CTNND2: variants seen among roughly 807,000 people sequenced by gnomAD.
CTNND2 encodes catenin delta-2.
A neutral mutation model predicts 144.4 loss-of-function variants in CTNND2; 22 were observed. The ratio of observed to expected loss-of-function variants is 0.15; its 90% confidence interval spans 0.11 to 0.22. CTNND2 has a LOEUF of 0.22. CTNND2 is among the 10% of genes least tolerant of loss of function. CTNND2 has a pLI of 1.00. For synonymous variants in CTNND2, 751 were observed against 695.6 expected (o/e 1.08, Z -1.25); for missense variants, 1,353 against 1,618.8 (o/e 0.84, Z 2.82).
chr5:11,713,517 T>C lies in CTNND2; in HGVS notation c.174+18619A>G, dbSNP rs146972086. On this transcript the variant is annotated intron_variant, in intron 2 of 21. Transcript: ENST00000304623. ...TCGCTTGAGCCCAGGAGGCAGAGGC[T>C]GCAGTGAGCCAAGATTGCTCCACGC... 8.8e-3 allele frequency among the ~76,000 whole-genome samples: 1,241 copies of C among 140,560 alleles called. 65 individuals are homozygous for C. The highest frequency in any genetic ancestry group is 0.085 in the Admixed American group (1,122 of 13,220). The allele number at this position is 140,560 out of a possible 152,430, so 92.2% of individuals were successfully genotyped here. A position where few individuals can be genotyped will look rare whatever the true frequency, so the allele number is the denominator to read the frequency against.
chr5:11,791,319 A>G (rs1320738668), intron 1 of CTNND2, among the ~76,000 whole-genome samples: 1 of 152,218 alleles, frequency 6.6e-6, no homozygotes, highest in Non-Finnish European at 1.5e-5. Flanking sequence ...GAGCCATGAA[A>G]TAACTTAGAG....
chr5:11,513,045 T>C (rs978473711), intron 3 of CTNND2, among the ~76,000 whole-genome samples: 6 of 152,188 alleles, frequency 3.9e-5, no homozygotes, highest in African/African-American at 1.4e-4. Flanking sequence ...AAATCACAGC[T>C]GACTTCATTT....
chr5:11,270,231 A>G (rs1561127008), intron 9 of CTNND2, among the ~76,000 whole-genome samples: 2 of 151,992 alleles, frequency 1.3e-5, no homozygotes, highest in South Asian at 2.1e-4. Flanking sequence ...TTCCCTTTAC[A>G]TTATTTCTTA....
intron 1 of CTNND2, among the ~76,000 whole-genome samples, chr5:11,773,139 A>C (rs1231849684): frequency 6.6e-6 from 1 of 152,164 alleles, no homozygotes; most frequent in African/African-American, 2.4e-5. Context: ...CTTCCTCTCA[A>C]TCATCTGTCA....
intron 3 of CTNND2, among the ~76,000 whole-genome samples, chr5:11,458,686 C>T (rs1765940592): frequency 6.6e-6 from 1 of 152,204 alleles, no homozygotes; most frequent in Non-Finnish European, 1.5e-5. Context: ...AGTTCTACTT[C>T]CCTCTTGGAG....
chr5:11,433,467 T>G (rs1158406545), intron 3 of CTNND2, among the ~76,000 whole-genome samples: 2 of 152,122 alleles, frequency 1.3e-5, no homozygotes, highest in African/African-American at 2.4e-5. Context: ...TACCCGAGGC[T>G]GGGTAATTTA....
In CTNND2 at chr5:11,620,512, C is replaced by T. The variant is rs925952597; in HGVS notation, c.175-55456G>A. Among the ~76,000 whole-genome samples, 9 of 152,176 alleles carry T rather than the reference C, an allele frequency of 5.9e-5. No individual in the cohort carries two copies. In the South Asian group the frequency reaches 8.3e-4, roughly 14 times the overall value. On this transcript the variant is annotated intron_variant, in intron 2 of 21. Coordinates refer to ENST00000304623, the MANE Select transcript of CTNND2 (RefSeq NM_001332.4). Reference sequence around the variant, plus strand: ...CTTCATACAGAAAGCCAAATAAAGGCGCTTGCCCACATTTCCCCTTTGCTC... The same window carrying T: ...CTTCATACAGAAAGCCAAATAAAGGTGCTTGCCCACATTTCCCCTTTGCTC...
intron 2 of CTNND2, among the ~76,000 whole-genome samples, chr5:11,633,574 G>A (rs1781519573): frequency 1.3e-5 from 2 of 152,038 alleles, no homozygotes; most frequent in South Asian, 4.2e-4. Flanking sequence ...TCAGGAGTTC[G>A]AGACAACCAT....
chr5:11,611,577 A>G (rs1022863195), intron 2 of CTNND2, among the ~76,000 whole-genome samples: 4 of 152,146 alleles, frequency 2.6e-5, no homozygotes, highest in Non-Finnish European at 4.4e-5. Context: ...TAGGAGTTCG[A>G]GACCAGCCTG....
chr5:11,411,677 T>A (rs41280375), intron 4 of CTNND2, 25 bp from the exon 5 acceptor site: 21 of 1,313,394 alleles, frequency 1.6e-5, no homozygotes, highest in Non-Finnish European at 2.3e-5. Flanking sequence ...TTTAAAGTGA[T>A]GAACAAACAC....
At chr5:11,156,766 T>C (rs1758256300) in intron 12 of CTNND2, among the ~76,000 whole-genome samples, 1 of 152,228 alleles carries the variant, frequency 6.6e-6, no homozygotes, top group African/African-American at 2.4e-5. Flanking sequence ...TGGCTAATGC[T>C]GTCCCAGGTA....
At chr5:11,848,855 G>C (rs1455917277) in intron 1 of CTNND2, among the ~76,000 whole-genome samples, 2 of 152,136 alleles carry the variant, frequency 1.3e-5, no homozygotes, top group Admixed American at 1.3e-4. Context: ...AGATCAGGCA[G>C]AGTGAATCCT....
At position 11,903,791 on chromosome 5, in the gene CTNND2, C is replaced by T. The variant is rs1213706716; in HGVS notation, c.37+26G>A. 1.6e-5 allele frequency: 24 copies of T among 1,475,362 alleles called. No homozygotes were observed. The highest frequency in any genetic ancestry group is 2.3e-5 in the Admixed American group (1 of 42,584). 91.4% of individuals were successfully genotyped at this position (1,475,362 alleles called of 1,614,324 possible). On this transcript the variant is annotated intron_variant, in intron 1 of 21. Coordinates refer to ENST00000304623, the MANE Select transcript of CTNND2 (RefSeq NM_001332.4). This position sits in a 1 kb window ranked among gnomAD's most constrained non-coding sequence, Gnocchi z 5.4. ...GCGCCGGGAGGAGGCTGCGCCCGGC[C>T]CCGGCCGCCCAGCCCCGCAACTCAC...
chr5:11,362,530 T>C (rs543335774), intron 8 of CTNND2, among the ~76,000 whole-genome samples: 1 of 152,298 alleles, frequency 6.6e-6, no homozygotes, highest in South Asian at 2.1e-4. Context: ...CCTCCTCCAC[T>C]TGTGGTCCTA....
intron 11 of CTNND2, among the ~76,000 whole-genome samples, chr5:11,180,565 C>T (rs1238050383): frequency 1.3e-5 from 2 of 152,166 alleles, no homozygotes; most frequent in Admixed American, 1.3e-4. Context: ...TGTAGAGTCT[C>T]AGCATCATGG....
chr5:11,017,261 T>C (rs896645935), intron 18 of CTNND2, among the ~76,000 whole-genome samples: 6 of 152,104 alleles, frequency 3.9e-5, no homozygotes, highest in Non-Finnish European at 5.9e-5. Context: ...TTTCTAGATG[T>C]GACTTTTTTC....
intron 14 of CTNND2, among the ~76,000 whole-genome samples, chr5:11,099,831 A>C (rs1751707050): frequency 6.6e-6 from 1 of 152,200 alleles, no homozygotes. Context: ...TCTGAGAAAA[A>C]TCACAGTAAA....
intron 7 of CTNND2, among the ~76,000 whole-genome samples, chr5:11,383,877 A>T (rs1415951052): frequency 6.6e-6 from 1 of 152,250 alleles, no homozygotes; most frequent in East Asian, 1.9e-4. Flanking sequence ...TGGTGCTAAC[A>T]GCAGAGAGGC....
Position 11,349,566 on chromosome 5 carries a change from A to C in CTNND2, c.1373-2939T>G, listed in dbSNP as rs576554696. The stretch of plus-strand genomic sequence containing the variant: ...CAGGTTTAAAACCTCAAAGCTGTAG[A>C]TTATTGAATTACCTAATACGGTCAG... On this transcript the variant is annotated intron_variant, in intron 8 of 21. Transcript: ENST00000304623. Among the ~76,000 whole-genome samples the C allele has an allele frequency of 1.1e-4, 17 of 152,338 alleles. No individual in the cohort carries two copies. In the East Asian group the frequency reaches 3.3e-3, roughly 29 times the overall value.
Sources: allele counts gnomAD v4.1 joint callset (sites outside exome capture counted in the v4.1 genomes callset), GRCh38; gene constraint gnomAD v4.1.1; non-coding constraint Gnocchi (gnomAD v3.1); transcripts MANE v1.5; gene names NCBI Gene and HGNC (gene_info 2026-07-23, HGNC 2026-07-21).